LMBRD1: variants seen among roughly 807,000 people sequenced by gnomAD.
LMBRD1 encodes lysosomal cobalamin transport escort protein LMBD1.
LMBRD1 carries 64 observed loss-of-function variants against 74.8 expected under a neutral mutation model. The ratio of observed to expected loss-of-function variants is 0.86; its 90% CI spans 0.70 to 1.05. The LOEUF (loss-of-function observed/expected upper bound fraction) is 1.05. Among genes scored for constraint, LMBRD1 ranks in the 50% least tolerant of loss-of-function variants. The probability of loss-of-function intolerance (pLI) is 0.00; values close to 1 mark genes in which losing one functional copy is unlikely to be tolerated. For missense variants in LMBRD1, 652 were observed against 645.9 expected (o/e 1.01, Z -0.10); for synonymous variants, 204 against 216.3 (o/e 0.94, Z 0.50).
At chr6:69,728,413 T>C (rs1766782024) in intron 7 of LMBRD1, among the ~76,000 whole-genome samples, 1 of 152,182 alleles carries the variant, frequency 6.6e-6, no homozygotes, top group African/African-American at 2.4e-5. Context: ...ATGTTGCTTT[T>C]TACAACAAAA....
At chr6:69,794,828 T>C (rs541528603) in intron 1 of LMBRD1, among the ~76,000 whole-genome samples, 8 of 152,326 alleles carry the variant, frequency 5.3e-5, no homozygotes, top group African/African-American at 1.9e-4. Context: ...ACCAACATTT[T>C]CTAAGTGGCC....
intron 6 of LMBRD1, among the ~76,000 whole-genome samples, chr6:69,739,535 A>G (rs1767052094): frequency 1.3e-5 from 2 of 150,146 alleles, no homozygotes; most frequent in Non-Finnish European, 2.9e-5. Flanking sequence ...TATTTCATGA[A>G]AGATGCCAGG....
intron 9 of LMBRD1, among the ~76,000 whole-genome samples, chr6:69,710,072 G>C (rs1264611377): frequency 6.6e-6 from 1 of 151,752 alleles, no homozygotes; most frequent in African/African-American, 2.4e-5. Flanking sequence ...TTTTGAAAAA[G>C]GAAAATAAAA....
intron 7 of LMBRD1, among the ~76,000 whole-genome samples, chr6:69,731,354 G>A (rs1766853971): frequency 6.6e-6 from 1 of 152,014 alleles, no homozygotes; most frequent in Admixed American, 6.6e-5. Context: ...TTAAGGTGAT[G>A]GATATTCCAA....
At chr6:69,740,043 T>C (rs1190594824) in intron 6 of LMBRD1, among the ~76,000 whole-genome samples, 1 of 151,996 alleles carries the variant, frequency 6.6e-6, no homozygotes, top group Non-Finnish European at 1.5e-5. Context: ...AAGGCAGGGG[T>C]TGCAGTGAGC....
intron 7 of LMBRD1, among the ~76,000 whole-genome samples, chr6:69,729,514 T>C (rs2149863372): frequency 6.6e-6 from 1 of 152,134 alleles, no homozygotes; most frequent in Admixed American, 6.6e-5. Context: ...AAACATTTAT[T>C]ATTAAATTAA....
At chr6:69,735,443 T>TAAAAAAAAAAAAAAAA (rs11290967) in intron 7 of LMBRD1, among the ~76,000 whole-genome samples, 1 of 144,552 alleles carries the variant, frequency 6.9e-6, no homozygotes. Flanking sequence ...GAAAACAACA[T>TAAAAAAAAAAAAAAAA]AAAAAAAAAA....
At chr6:69,752,119 CTTT>C in intron 4 of LMBRD1, 137 bp downstream of exon 4, 1 of 750,448 alleles carries the variant, frequency 1.3e-6, no homozygotes, top group South Asian at 1.9e-5. Flanking sequence ...TCAACTGTTT[CTTT>C]TTATTTTAAT....
intron 3 of LMBRD1, among the ~76,000 whole-genome samples, chr6:69,752,831 CAA>C (rs1314625943): frequency 1.3e-5 from 2 of 152,032 alleles, no homozygotes; most frequent in East Asian, 1.9e-4. Flanking sequence ...TTTCTCATCT[CAA>C]GTTTAAAAAA....
At chr6:69,686,620 CTG>C (rs1245770429) in intron 14 of LMBRD1, among the ~76,000 whole-genome samples, 1 of 127,348 alleles carries the variant, frequency 7.9e-6, no homozygotes, top group African/African-American at 2.7e-5. Flanking sequence ...CCTTCTCTCT[CTG>C]TCTCTCTCAA....
chr6:69,794,395 GA>G (rs1766165910), intron 1 of LMBRD1, among the ~76,000 whole-genome samples: 1 of 152,202 alleles, frequency 6.6e-6, no homozygotes, highest in African/African-American at 2.4e-5. Flanking sequence ...GGTAAAATAT[GA>G]AGCATGCGTA....
Position 69,676,444 on chromosome 6 carries a change from A to G in LMBRD1, c.1509+6T>C, listed in dbSNP as rs779140853. On this transcript the variant is annotated splice_donor_region_variant and intron_variant, in intron 15 of 15. Transcript: ENST00000649934. ...GTCAAATCACGCGTGGGATATCTGCACTTACCCCAAGAAAGGCCCAGTTAC... is the reference window on the plus strand; with the variant it reads ...GTCAAATCACGCGTGGGATATCTGCGCTTACCCCAAGAAAGGCCCAGTTAC... 1 of 1,611,230 alleles carries G rather than the reference A, an allele frequency of 6.2e-7. No individual in the cohort carries two copies. Among genetic ancestry groups the G allele is most frequent in the East Asian group, 2.2e-5 (1 of 44,786 alleles).
At chr6:69,747,971 C>T (rs1000948377) in intron 5 of LMBRD1, among the ~76,000 whole-genome samples, 2 of 152,174 alleles carry the variant, frequency 1.3e-5, no homozygotes, top group Non-Finnish European at 2.9e-5. Context: ...AGAACACTGT[C>T]CTAGATGGCT....
At chr6:69,778,925 C>T (rs1765765255) in intron 3 of LMBRD1, among the ~76,000 whole-genome samples, 4 of 152,110 alleles carry the variant, frequency 2.6e-5, no homozygotes, top group South Asian at 4.1e-4. Context: ...CGGTGCCTCA[C>T]GCCTGTAATC....
At chr6:69,689,863 A>T (rs913409556) in intron 14 of LMBRD1, among the ~76,000 whole-genome samples, 3 of 152,120 alleles carry the variant, frequency 2.0e-5, no homozygotes, top group African/African-American at 7.2e-5. Flanking sequence ...TGGAGTAGAC[A>T]GGTAAATCTG....
chr6:69,766,188 T>C (rs1765471868), intron 3 of LMBRD1, among the ~76,000 whole-genome samples: 1 of 151,940 alleles, frequency 6.6e-6, no homozygotes, highest in Non-Finnish European at 1.5e-5. Flanking sequence ...CTGGCTAGAA[T>C]CACTAGTACA....
At chr6:69,792,927 A>G (rs1766118263) in intron 1 of LMBRD1, among the ~76,000 whole-genome samples, 1 of 152,194 alleles carries the variant, frequency 6.6e-6, no homozygotes. Context: ...TGGTCTCAGA[A>G]TCCCTTTATA....
chr6:69,740,876 A>AT (rs1767087311), intron 6 of LMBRD1, among the ~76,000 whole-genome samples: 1 of 152,108 alleles, frequency 6.6e-6, no homozygotes. Flanking sequence ...AATGCCAGTT[A>AT]TTTTTTCAAT....
chr6:69,751,585 C>A (rs67678871), intron 4 of LMBRD1, among the ~76,000 whole-genome samples: 1 of 152,034 alleles, frequency 6.6e-6, no homozygotes, highest in African/African-American at 2.4e-5. Context: ...GCCTCGGCCT[C>A]CCAAAGTGCT....
Sources: gnomAD v4.1 joint callset for allele counts (sites outside exome capture counted in the v4.1 genomes callset) on GRCh38, gnomAD v4.1.1 for gene constraint, MANE v1.5 for transcripts, NCBI Gene and HGNC (gene_info 2026-07-23, HGNC 2026-07-21) for gene names.